TTBK1: variants seen among roughly 807,000 people sequenced by gnomAD.
The protein encoded by TTBK1 is tau tubulin kinase 1, also known as tau-tubulin kinase 1.
Under a neutral mutation model 108.5 loss-of-function variants are expected in TTBK1, and 34 were observed. The ratio of observed to expected loss-of-function variants is 0.31; its 90% CI spans 0.24 to 0.42. The LOEUF is 0.42. TTBK1 is among the 10% of genes least tolerant of loss of function. TTBK1 has a pLI of 1.00. For missense variants in TTBK1, 1,539 were observed against 1,826.0 expected (o/e 0.84, Z 2.86); for synonymous variants, 809 against 795.1 (o/e 1.02, Z -0.29).
chr6:43,270,138 G>C, intron 13 of TTBK1: 2 of 1,369,176 alleles, frequency 1.5e-6, no homozygotes. Context: ...CAGAGTCTCC[G>C]TCCCACCTCC....
intron 13 of TTBK1, among the ~76,000 whole-genome samples, chr6:43,275,173 CG>C (rs1411238592): frequency 6.6e-6 from 1 of 152,152 alleles, no homozygotes; most frequent in Non-Finnish European, 1.5e-5. Context: ...ACTGCGCAGC[CG>C]GACCCCCGCA....
rs564447329 is a variant in TTBK1, at chr6:43,243,989, C to T, written c.-55+281C>T. Among the ~76,000 whole-genome samples the T allele has an allele frequency of 1.3e-5, 2 of 152,246 alleles. No individual in the cohort carries two copies. Among genetic ancestry groups the T allele is most frequent in the East Asian group, 1.9e-4 (1 of 5,180 alleles). On this transcript the variant is annotated intron_variant, in intron 1 of 14. Transcript: ENST00000259750. This position sits in a 1 kb window ranked among gnomAD's most constrained non-coding sequence, Gnocchi z 5.5. ...CCTGTCCCCATGGCTTCACCCCTGG[C>T]TCTCCTGTCATCCCTGACGAATCAT...
At position 43,283,812 on chromosome 6, in the gene TTBK1, A is replaced by G. The variant is rs2150716564; in HGVS notation, c.3072A>G (p.Pro1024=). ...ATGGCCCGGCCCTTGCAGACGGGCC[A>G]GCCCCGGTGTCCCCGCTGGAGCCAA... is the stretch of plus-strand genomic sequence containing the variant. ...LPNGPALADG[P]APVSPLEPSP... Residue 1024 remains proline (P), a synonymous_variant, in exon 14 of 15, where the codon CCA becomes CCG. Coordinates refer to ENST00000259750, the MANE Select transcript of TTBK1 (RefSeq NM_032538.3). The surrounding 1 kb of genome is among the most constrained non-coding windows in gnomAD (Gnocchi z 8.1). The G allele has an allele frequency of 6.2e-7, 1 of 1,612,550 alleles. No homozygotes were observed. Among genetic ancestry groups the G allele is most frequent in the Non-Finnish European group, 8.5e-7 (1 of 1,179,414 alleles).
chr6:43,261,810 A>G (rs898703785), intron 12 of TTBK1, among the ~76,000 whole-genome samples: 5 of 114,118 alleles, frequency 4.4e-5, no homozygotes, highest in African/African-American at 1.5e-4. Context: ...TTCTGTCTCA[A>G]AAAAAAAAAA....
chr6:43,283,193 G>A lies in TTBK1; in HGVS notation c.2453G>A (p.Gly818Asp). 3 of 1,553,154 alleles carry A rather than the reference G, an allele frequency of 1.9e-6. No individual in the cohort carries two copies. The highest frequency in any genetic ancestry group is 2.6e-6 in the Non-Finnish European group (3 of 1,148,774). ...GCAGACGATCAGAAGGAGTCCAGGG[G>A]CCGGGCCTCCATGGCCGATGGGGAC... ...LLADDQKESR[G>D]RASMADGDLE... The change falls in exon 14 of 15, where the codon GGC (glycine) becomes GAC (aspartate). Residue 818 changes from glycine to aspartate, a missense_variant. Physicochemically the swap from Gly to Asp is moderately conservative, Grantham distance 94. Coordinates refer to ENST00000259750, the MANE Select transcript of TTBK1 (RefSeq NM_032538.3). The surrounding 1 kb of genome is among the most constrained non-coding windows in gnomAD (Gnocchi z 8.1).
intron 9 of TTBK1, among the ~76,000 whole-genome samples, chr6:43,256,122 T>C (rs1386737553): frequency 1.3e-5 from 2 of 150,958 alleles, no homozygotes; most frequent in South Asian, 4.2e-4. Flanking sequence ...TGAATGCTCC[T>C]TATATTATTA....
In TTBK1 at chr6:43,285,231, G is replaced by T; in HGVS notation, c.3821G>T (p.Arg1274Leu). 4 of 1,300,710 alleles carry T rather than the reference G, an allele frequency of 3.1e-6. No individual in the cohort carries two copies. The highest frequency in any genetic ancestry group is 3.9e-6 in the Non-Finnish European group (4 of 1,028,468). 80.6% of individuals were successfully genotyped at this position (1,300,710 alleles called of 1,614,324 possible). Residue 1274 changes from arginine (R) to leucine (L), a missense_variant, in exon 15 of 15, where the codon CGG (arginine) becomes CTG (leucine). Physicochemically the swap from Arg to Leu is moderately radical, Grantham distance 102. This residue lies in a region of TTBK1 where 1,055 missense variants were observed against 1,086.5 expected (regional missense o/e 0.97). Transcript: ENST00000259750. This position sits in a 1 kb window ranked among gnomAD's most constrained non-coding sequence, Gnocchi z 4.7. ...HQARPGVPPP[R>L]GVPPARAQPD... ...GCCCGGCCCGGGGTCCCCCCGCCCC[G>T]GGGCGTCCCGCCGGCCCGGGCCCAG...
rs1777013346 is a variant in TTBK1, at chr6:43,243,689, C to G, written c.-74C>G. ...GCCTCCGCCGCCGCCGCAGCCGCAG[C>G]CGCAGCGGGCACAGAGCAGGTGAGG... On this transcript the variant is annotated 5_prime_UTR_variant, in exon 1 of 15. Transcript: ENST00000259750. The surrounding 1 kb of genome is among the most constrained non-coding windows in gnomAD (Gnocchi z 5.5). 6.5e-6 allele frequency: 1 copy of G among 153,432 alleles called. No individual in the cohort carries two copies. The highest frequency in any genetic ancestry group is 1.8e-4 in the South Asian group (1 of 5,666). The allele number at this position is 153,432 out of a possible 1,614,324, so 9.5% of individuals were successfully genotyped here.
chr6:43,257,760 G>T lies in TTBK1; in HGVS notation c.862-52G>T. Reference sequence around the variant, plus strand: ...ATCCCAGCAACTGCCCCTTCCTCCTGGCTAGCCCCCGGATCACCTCTCTGT... The same window carrying T: ...ATCCCAGCAACTGCCCCTTCCTCCTTGCTAGCCCCCGGATCACCTCTCTGT... On this transcript the variant is annotated intron_variant, in intron 9 of 14. Coordinates refer to ENST00000259750, the MANE Select transcript of TTBK1 (RefSeq NM_032538.3). This position sits in a 1 kb window ranked among gnomAD's most constrained non-coding sequence, Gnocchi z 4.5. 1 of 1,568,262 alleles carries T rather than the reference G, an allele frequency of 6.4e-7. No homozygotes were observed. The highest frequency in any genetic ancestry group is 1.7e-5 in the Admixed American group (1 of 57,574).
chr6:43,276,610 CAATCCG>C lies in TTBK1; in HGVS notation c.1987-6116_1987-6111del, dbSNP rs1358935395. On this transcript the variant is annotated intron_variant, in intron 13 of 14. Transcript: ENST00000259750. The surrounding 1 kb of genome is among the most constrained non-coding windows in gnomAD (Gnocchi z 5.4). ...TTAAGTCCCTGTATGTTAATGCAGA[CAATCCG>C]GAGAGCTTGTGTACTACCAAATCCT... is the stretch of plus-strand genomic sequence containing the variant. Among the ~76,000 whole-genome samples the C allele has an allele frequency of 6.6e-6, 1 of 152,248 alleles. No individual in the cohort carries two copies. The highest frequency in any genetic ancestry group is 2.4e-5 in the African/African-American group (1 of 41,476).
intron 13 of TTBK1, chr6:43,271,637 G>C: frequency 1.0e-6 from 1 of 985,284 alleles, no homozygotes; most frequent in South Asian, 4.7e-5. Flanking sequence ...AAGTGTGGTG[G>C]GCAGTGCCCT....
intron 12 of TTBK1, among the ~76,000 whole-genome samples, chr6:43,261,450 A>G (rs75223128): frequency 0.013 from 1,998 of 152,270 alleles, 39 homozygotes; most frequent in African/African-American, 0.044. Flanking sequence ...AATCAGAAAT[A>G]TCCTCCTCTT....
intron 13 of TTBK1, chr6:43,270,545 G>A (rs1777804875): frequency 8.1e-6 from 8 of 985,798 alleles, no homozygotes; most frequent in Non-Finnish European, 9.6e-6. Context: ...GAGGAGCCCT[G>A]TGACCTAGCG....
At chr6:43,258,063 C>G in intron 10 of TTBK1, 97 bp downstream of exon 10, 1 of 1,374,018 alleles carries the variant, frequency 7.3e-7, no homozygotes, top group Non-Finnish European at 9.7e-7. Context: ...TCTGGACACA[C>G]TTGGCTATCT....
Position 43,252,728 on chromosome 6 carries a change from C to T in TTBK1, c.109-11C>T. ...GATCCCTGAGCACCCCCTATCCCCT[C>T]ATCTTCATAGCTGAAAAAGATCGGG... On this transcript the variant is annotated splice_polypyrimidine_tract_variant and intron_variant, in intron 2 of 14. Coordinates refer to ENST00000259750, the MANE Select transcript of TTBK1 (RefSeq NM_032538.3). 1.2e-6 allele frequency: 2 copies of T among 1,613,734 alleles called. No individual in the cohort carries two copies. Among genetic ancestry groups the T allele is most frequent in the Non-Finnish European group, 1.7e-6 (2 of 1,179,918 alleles).
rs1389284599 is a variant in TTBK1, at chr6:43,285,738, G to T, written c.*362G>T. ...ACTTCTGGGGACGCCTGGTTCGTTC[G>T]CCCACCAGGCCTAGGCTACGCTCCA... On this transcript the variant is annotated 3_prime_UTR_variant, in exon 15 of 15. Coordinates refer to ENST00000259750, the MANE Select transcript of TTBK1 (RefSeq NM_032538.3). This position sits in a 1 kb window ranked among gnomAD's most constrained non-coding sequence, Gnocchi z 4.7. 4.7e-5 allele frequency: 8 copies of T among 171,426 alleles called. No individual in the cohort carries two copies. Among genetic ancestry groups the T allele is most frequent in the Admixed American group, 3.2e-4 (5 of 15,720 alleles). 10.6% of individuals were successfully genotyped at this position (171,426 alleles called of 1,614,324 possible).
intron 13 of TTBK1, among the ~76,000 whole-genome samples, chr6:43,281,116 G>A (rs1778146792): frequency 6.6e-6 from 1 of 152,164 alleles, no homozygotes; most frequent in Non-Finnish European, 1.5e-5. Flanking sequence ...GCTCACGCCT[G>A]TAATCCCAGC....
intron 5 of TTBK1, among the ~76,000 whole-genome samples, chr6:43,254,089 G>A (rs938426071): frequency 6.6e-6 from 1 of 152,162 alleles, no homozygotes; most frequent in East Asian, 1.9e-4. Flanking sequence ...CTGATTTTGT[G>A]GCATCTTGAA....
At chr6:43,247,113 G>T (rs1777111885) in intron 2 of TTBK1, among the ~76,000 whole-genome samples, 1 of 151,364 alleles carries the variant, frequency 6.6e-6, no homozygotes, top group East Asian at 2.0e-4. Flanking sequence ...TTTCTCTGAC[G>T]GACCTTGGAG....
Sources: gnomAD v4.1 joint callset for allele counts (sites outside exome capture counted in the v4.1 genomes callset) on GRCh38, gnomAD v4.1.1 for gene constraint, gnomAD v4.1.1 regional missense constraint, Gnocchi (gnomAD v3.1) non-coding constraint, MANE v1.5 for transcripts, NCBI Gene and HGNC (gene_info 2026-07-23, HGNC 2026-07-21) for gene names.